The following HACD2 variants were observed in gnomAD, a reference collection of about 807,000 sequenced individuals.
HACD2 encodes the protein very-long-chain (3R)-3-hydroxyacyl-CoA dehydratase 2.
In HACD2, 15 loss-of-function variants were observed where a neutral mutation model predicts 31.0. That is an observed-to-expected ratio of 0.48 (90% CI 0.32 to 0.75). The LOEUF is 0.75. Among genes scored for constraint, HACD2 ranks in the 30% least tolerant of loss-of-function variants. The pLI is 0.03. For synonymous variants in HACD2, 115 were observed against 122.2 expected (o/e 0.94, Z 0.39); for missense variants, 283 against 313.0 (o/e 0.90, Z 0.72).
chr3:123,559,549 C>T (rs183730085), intron 3 of HACD2, among the ~76,000 whole-genome samples: 2 of 152,284 alleles, frequency 1.3e-5, no homozygotes, highest in East Asian at 3.9e-4. Context: ...CGTATTCAGT[C>T]CAATGCCCTC....
At chr3:123,513,770 A>G (rs916738538) in intron 4 of HACD2, among the ~76,000 whole-genome samples, 2 of 152,146 alleles carry the variant, frequency 1.3e-5, no homozygotes, top group African/African-American at 4.8e-5. Context: ...CAGAATGGAG[A>G]AAAAATACAT....
intron 2 of HACD2, among the ~76,000 whole-genome samples, chr3:123,581,833 T>C (rs2056969327): frequency 6.6e-6 from 1 of 152,232 alleles, no homozygotes; most frequent in African/African-American, 2.4e-5. Context: ...CTCTCTATTA[T>C]GTCTTCTATC....
chr3:123,518,995 T>TA (rs67571643), intron 4 of HACD2, among the ~76,000 whole-genome samples: 1,135 of 42,462 alleles, frequency 0.027, 35 homozygotes, highest in Non-Finnish European at 0.032. Flanking sequence ...AGACTCCAAC[T>TA]AAAAAAAAAA....
At chr3:123,553,425 A>G (rs1386180165) in intron 3 of HACD2, among the ~76,000 whole-genome samples, 3 of 152,374 alleles carry the variant, frequency 2.0e-5, no homozygotes, top group South Asian at 4.1e-4. Context: ...AAAGTCTTAA[A>G]CATGGATGGA....
chr3:123,568,283 C>T (rs1038251682), intron 2 of HACD2, among the ~76,000 whole-genome samples: 2 of 152,194 alleles, frequency 1.3e-5, no homozygotes, highest in African/African-American at 4.8e-5. Context: ...TGCAGAGGTG[C>T]TCTCTGGTCC....
chr3:123,575,847 G>A (rs1423507731), intron 2 of HACD2, among the ~76,000 whole-genome samples: 1 of 152,046 alleles, frequency 6.6e-6, no homozygotes, highest in Non-Finnish European at 1.5e-5. Flanking sequence ...AGGAAGGGAA[G>A]AAATTTTTTT....
At chr3:123,502,024 T>C (rs977484470) in intron 5 of HACD2, among the ~76,000 whole-genome samples, 1 of 152,202 alleles carries the variant, frequency 6.6e-6, no homozygotes, top group Non-Finnish European at 1.5e-5. Flanking sequence ...GCAGATGAAC[T>C]ACTAGCCTTT....
chr3:123,530,433 G>A lies in HACD2; in HGVS notation c.293-1959C>T, dbSNP rs142793363. Among the ~76,000 whole-genome samples, 533 of 144,390 alleles carry A rather than the reference G, an allele frequency of 3.7e-3. 3 individuals carry two copies. Among genetic ancestry groups the A allele is most frequent in the African/African-American group, 0.013 (508 of 37,918 alleles). 94.7% of individuals were successfully genotyped at this position (144,390 alleles called of 152,430 possible). A position where few individuals can be genotyped will look rare whatever the true frequency, so the allele number is the denominator to read the frequency against. On this transcript the variant is annotated intron_variant, in intron 3 of 6. Transcript: ENST00000383657. ...ATTTTTTTTTTTTTTTTTTTGAGACGGAGTCTTGCTCTGTCGCCAGGCTAG... is the reference window on the plus strand; with the variant it reads ...ATTTTTTTTTTTTTTTTTTTGAGACAGAGTCTTGCTCTGTCGCCAGGCTAG...
At chr3:123,565,541 C>T (rs914427442) in intron 3 of HACD2, among the ~76,000 whole-genome samples, 1 of 152,164 alleles carries the variant, frequency 6.6e-6, no homozygotes, top group Non-Finnish European at 1.5e-5. Flanking sequence ...TCTGTCAGCA[C>T]CACCTTGATC....
chr3:123,545,411 G>A (rs1456307320), intron 3 of HACD2, among the ~76,000 whole-genome samples: 4 of 151,244 alleles, frequency 2.6e-5, no homozygotes, highest in Non-Finnish European at 5.9e-5. Context: ...GAACCCAGGA[G>A]GCAGAGGTTG....
intron 3 of HACD2, among the ~76,000 whole-genome samples, chr3:123,537,426 G>A (rs2056439420): frequency 6.6e-6 from 1 of 151,930 alleles, no homozygotes; most frequent in Admixed American, 6.6e-5. Flanking sequence ...AAAATAGCCG[G>A]GCATGGTAGC....
At chr3:123,537,687 G>A (rs1027309079) in intron 3 of HACD2, among the ~76,000 whole-genome samples, 2 of 151,378 alleles carry the variant, frequency 1.3e-5, no homozygotes, top group African/African-American at 2.4e-5. Context: ...GATAGTATAA[G>A]CTATGTCTGT....
At chr3:123,504,837 G>T (rs1479365705) in intron 4 of HACD2, among the ~76,000 whole-genome samples, 1 of 152,114 alleles carries the variant, frequency 6.6e-6, no homozygotes, top group Non-Finnish European at 1.5e-5. Context: ...TAAAGAGATT[G>T]ACCTTATGTG....
chr3:123,551,548 C>A (rs1262455492), intron 3 of HACD2, among the ~76,000 whole-genome samples: 1 of 151,706 alleles, frequency 6.6e-6, no homozygotes, highest in Non-Finnish European at 1.5e-5. Flanking sequence ...CCCTTAAACC[C>A]GGGAGGCAGA....
intron 3 of HACD2, among the ~76,000 whole-genome samples, chr3:123,535,237 C>A (rs752925470): frequency 6.1e-4 from 92 of 151,876 alleles, no homozygotes; most frequent in Non-Finnish European, 1.1e-3. Flanking sequence ...TGTGTAGATA[C>A]ACAAATACCA....
chr3:123,504,925 G>A (rs151168471), intron 4 of HACD2, among the ~76,000 whole-genome samples: 6 of 152,276 alleles, frequency 3.9e-5, no homozygotes, highest in Admixed American at 2.0e-4. Context: ...AATGAGACTC[G>A]AAGAGATATT....
chr3:123,525,188 A>G (rs2056265252), intron 4 of HACD2, among the ~76,000 whole-genome samples: 1 of 152,214 alleles, frequency 6.6e-6, no homozygotes, highest in Non-Finnish European at 1.5e-5. Flanking sequence ...TTGTTTCGCC[A>G]GAGCTTTTGT....
intron 2 of HACD2, among the ~76,000 whole-genome samples, chr3:123,569,471 C>T (rs2056829540): frequency 6.6e-6 from 1 of 152,196 alleles, no homozygotes. Flanking sequence ...AAGCGATCCT[C>T]CCACCTCAGC....
Position 123,579,605 on chromosome 3 carries a change from G to A in HACD2, c.273+2607C>T, listed in dbSNP as rs570238215. ...TGGGACTATAAGCATGAGCCACTGTGCTCAGCTCTAATATTATGATGTCTT... is the reference window on the plus strand; with the variant it reads ...TGGGACTATAAGCATGAGCCACTGTACTCAGCTCTAATATTATGATGTCTT... On this transcript the variant is annotated intron_variant, in intron 2 of 6. Coordinates refer to ENST00000383657, the MANE Select transcript of HACD2 (RefSeq NM_198402.5). Among the ~76,000 whole-genome samples the A allele has an allele frequency of 3.3e-5, 5 of 152,230 alleles. No homozygotes were observed. The South Asian group carries it at 1.0e-3, about 32-fold the overall frequency.
Sources: allele counts gnomAD v4.1 joint callset (sites outside exome capture counted in the v4.1 genomes callset), GRCh38; gene constraint gnomAD v4.1.1; transcripts MANE v1.5; gene names NCBI Gene and HGNC (gene_info 2026-07-23, HGNC 2026-07-21).